The following MPP7 variants were observed in gnomAD, a reference collection of about 807,000 sequenced individuals.
MPP7 encodes MAGUK p55 subfamily member 7.
In MPP7, 60 loss-of-function variants were observed where a neutral mutation model predicts 76.5. That is an observed-to-expected ratio of 0.78 (90% CI 0.64 to 0.97). The LOEUF (loss-of-function observed/expected upper bound fraction) is 0.97. Ranked by LOEUF, MPP7 falls within the 50% of genes least tolerant of loss-of-function variation. MPP7 has a pLI of 0.00. For missense variants in MPP7, 641 were observed against 694.0 expected, an observed-to-expected ratio of 0.92 and a Z score of 0.86; for synonymous variants, 237 against 244.5, an observed-to-expected ratio of 0.97 and a Z score of 0.29.
At chr10:28,079,860 G>A (rs949794103) in intron 12 of MPP7, among the ~76,000 whole-genome samples, 1 of 152,098 alleles carries the variant, frequency 6.6e-6, no homozygotes, top group African/African-American at 2.4e-5. Flanking sequence ...GCATATGGAT[G>A]GGCATAATCC....
intron 11 of MPP7, among the ~76,000 whole-genome samples, chr10:28,104,022 T>C (rs982011222): frequency 2.0e-5 from 3 of 152,158 alleles, no homozygotes; most frequent in African/African-American, 7.2e-5. Flanking sequence ...CAAATGCATA[T>C]AGTACTTTGG....
intron 11 of MPP7, among the ~76,000 whole-genome samples, chr10:28,110,818 C>A (rs1029450649): frequency 6.6e-6 from 1 of 152,154 alleles, no homozygotes; most frequent in Non-Finnish European, 1.5e-5. Context: ...TCTGTCAATA[C>A]ATTTGAATAA....
At chr10:28,110,658 C>A (rs1834478146) in intron 11 of MPP7, among the ~76,000 whole-genome samples, 3 of 152,274 alleles carry the variant, frequency 2.0e-5, no homozygotes, top group Admixed American at 2.0e-4. Flanking sequence ...TTTTAAGTCA[C>A]ATGAATACTA....
At chr10:28,331,445 A>G (rs1292354167) in intron 1 of MPP7, among the ~76,000 whole-genome samples, 1 of 152,224 alleles carries the variant, frequency 6.6e-6, no homozygotes, top group African/African-American at 2.4e-5. Flanking sequence ...ATATAATAGT[A>G]CAATATTTAA....
chr10:28,259,277 C>A (rs1019491860), intron 1 of MPP7, among the ~76,000 whole-genome samples: 2 of 152,012 alleles, frequency 1.3e-5, no homozygotes, highest in African/African-American at 4.8e-5. Flanking sequence ...TTTTAGACTC[C>A]TTTTAAATAC....
chr10:28,090,486 A>G (rs2133452414), intron 11 of MPP7, among the ~76,000 whole-genome samples: 1 of 152,346 alleles, frequency 6.6e-6, no homozygotes, highest in East Asian at 1.9e-4. Flanking sequence ...TGATTGGTAA[A>G]CACATTTGAT....
intron 1 of MPP7, among the ~76,000 whole-genome samples, chr10:28,258,353 CTGA>C (rs1364684562): frequency 1.4e-5 from 2 of 146,386 alleles, no homozygotes; most frequent in Admixed American, 6.9e-5. Flanking sequence ...ATACTTAGGA[CTGA>C]TAAGATATAA....
At chr10:28,273,205 AC>A (rs1564749199) in intron 1 of MPP7, among the ~76,000 whole-genome samples, 1 of 152,230 alleles carries the variant, frequency 6.6e-6, no homozygotes, top group African/African-American at 2.4e-5. Flanking sequence ...GGCGTGAGCC[AC>A]CACACCCAGC....
intron 2 of MPP7, among the ~76,000 whole-genome samples, chr10:28,318,662 G>A (rs1436798685): frequency 6.6e-6 from 1 of 152,140 alleles, no homozygotes; most frequent in Admixed American, 6.5e-5. Flanking sequence ...TCCAGCCTGG[G>A]TGACAAGAGT....
At chr10:28,154,305 A>C (rs1404599481) in intron 3 of MPP7, among the ~76,000 whole-genome samples, 2 of 152,162 alleles carry the variant, frequency 1.3e-5, no homozygotes, top group African/African-American at 4.8e-5. Context: ...AGCCCTAGAA[A>C]AGTAGCTATT....
intron 2 of MPP7, among the ~76,000 whole-genome samples, chr10:28,208,284 C>G (rs1838012595): frequency 6.6e-6 from 1 of 152,128 alleles, no homozygotes. Context: ...CTGGGACTAG[C>G]AAGCAGGAAA....
chr10:28,054,314 A>G (rs965082171), intron 16 of MPP7, 70 bp from the exon 17 acceptor site: 22 of 879,546 alleles, frequency 2.5e-5, no homozygotes, highest in Admixed American at 7.8e-5. Context: ...CAATGCAAAC[A>G]TTCTACAATT....
rs565712279 is a variant in MPP7, at chr10:28,136,373, T to C, written c.316-4682A>G. Among the ~76,000 whole-genome samples the C allele has an allele frequency of 1.3e-3, 198 of 151,874 alleles. 2 individuals carry two copies. Among genetic ancestry groups the C allele is most frequent in the Middle Eastern group, 6.8e-3 (2 of 294 alleles). On this transcript the variant is annotated intron_variant, in intron 5 of 16. Transcript: ENST00000683449. The stretch of plus-strand genomic sequence containing the variant: ...AGGTTGATCCAAAGAAACACAAAAA[T>C]ACCCAGCATCCAACAAGATAAAACT...
chr10:28,318,446 G>A (rs758298451), intron 2 of MPP7, among the ~76,000 whole-genome samples: 1 of 152,174 alleles, frequency 6.6e-6, no homozygotes, highest in Non-Finnish European at 1.5e-5. Context: ...AACACTTTGC[G>A]AGGCCAAGGT....
At chr10:28,119,786 T>C in intron 10 of MPP7, 71 bp from the exon 11 acceptor site, 1 of 1,233,204 alleles carries the variant, frequency 8.1e-7, no homozygotes, top group South Asian at 1.3e-5. Flanking sequence ...TATCAAAATA[T>C]TTAGTCTTAA....
At chr10:28,228,126 GA>G (rs896495835) in intron 2 of MPP7, among the ~76,000 whole-genome samples, 6 of 151,830 alleles carry the variant, frequency 4.0e-5, no homozygotes, top group Non-Finnish European at 8.8e-5. Context: ...ACTGTTGGAG[GA>G]AAAAAGCAAC....
At chr10:28,276,862 T>C (rs751179857) in intron 1 of MPP7, among the ~76,000 whole-genome samples, 4 of 152,078 alleles carry the variant, frequency 2.6e-5, no homozygotes, top group Non-Finnish European at 5.9e-5. Context: ...CGTTTGACTG[T>C]GCCAGCTATA....
Position 28,323,533 on chromosome 10 carries a change from A to G in MPP7, c.-132+6396T>C, listed in dbSNP as rs1471606003. Among the ~76,000 whole-genome samples, 3 of 152,000 alleles carry G rather than the reference A, an allele frequency of 2.0e-5. No individual in the cohort carries two copies. In the East Asian group the frequency reaches 5.8e-4, roughly 29 times the overall value. On this transcript the variant is annotated intron_variant, in intron 2 of 11. Coordinates refer to the MPP7 transcript ENST00000441595. Reference sequence around the variant, plus strand: ...CCAGTATGCAAGTTCTAAGCTTAGGAAAAATTGCTGCTCTAAGAATTGTGA... The same window carrying G: ...CCAGTATGCAAGTTCTAAGCTTAGGGAAAATTGCTGCTCTAAGAATTGTGA...
rs869206744 is a variant in MPP7 at position 28,109,848 on chromosome 10, C to CAAAAAAAAAAAAA, written c.952+9790_952+9802dup. Among the ~76,000 whole-genome samples the CAAAAAAAAAAAAA allele has an allele frequency of 1.4e-3, 27 of 19,214 alleles. 1 individual carries two copies. The highest frequency in any genetic ancestry group is 3.7e-3 in the African/African-American group (15 of 4,034). 12.6% of individuals were successfully genotyped at this position (19,214 alleles called of 152,430 possible). Reference sequence around the variant, plus strand: ...ACAGTTAGAAGGCCAGCCGCAGACGCAAAAAAAAAAAAAAAAAAAAAAAAA... The same window carrying CAAAAAAAAAAAAA: ...ACAGTTAGAAGGCCAGCCGCAGACGCAAAAAAAAAAAAAAAAAAAAAAAAAAAAAAAAAAAAAA... On this transcript the variant is annotated intron_variant, in intron 11 of 16. Coordinates refer to ENST00000683449, the MANE Select transcript of MPP7 (RefSeq NM_001318170.2).
Sources: allele counts gnomAD v4.1 joint callset (sites outside exome capture counted in the v4.1 genomes callset), GRCh38; gene constraint gnomAD v4.1.1; transcripts MANE v1.5; gene names NCBI Gene and HGNC (gene_info 2026-07-23, HGNC 2026-07-21).